Variants in DNAJC10 observed in about 807,000 individuals in gnomAD.
DNAJC10 encodes the protein endoplasmic reticulum disulfide reductase DNAJC10.
DNAJC10 carries 101 observed loss-of-function variants against 115.0 expected under a neutral mutation model. The observed-to-expected ratio is 0.88, with a 90% CI of 0.75 to 1.04. The LOEUF (loss-of-function observed/expected upper bound fraction) is 1.04. Among genes scored for constraint, DNAJC10 ranks in the 50% least tolerant of loss-of-function variants. DNAJC10 has a pLI of 0.00. For synonymous variants in DNAJC10, 307 were observed against 301.5 expected (o/e 1.02, Z -0.19); for missense variants, 981 against 928.8 (o/e 1.06, Z -0.73).
At chr2:182,734,552 A>G (rs971832937) in intron 10 of DNAJC10, among the ~76,000 whole-genome samples, 1 of 151,806 alleles carries the variant, frequency 6.6e-6, no homozygotes, top group South Asian at 2.1e-4. Flanking sequence ...ATTCACAGGT[A>G]CACATTTCTA....
At chr2:182,747,643 G>C (rs1279281194) in intron 14 of DNAJC10, among the ~76,000 whole-genome samples, 1 of 151,976 alleles carries the variant, frequency 6.6e-6, no homozygotes, top group Non-Finnish European at 1.5e-5. Flanking sequence ...AGACAATGTG[G>C]TTTTCTAGAT....
intron 22 of DNAJC10, among the ~76,000 whole-genome samples, chr2:182,768,795 AT>A (rs1694481836): frequency 2.0e-5 from 3 of 152,122 alleles, no homozygotes; most frequent in Non-Finnish European, 2.9e-5. Context: ...TTAGAGTGGA[AT>A]GAGTTCGGTC....
In DNAJC10 at chr2:182,778,182, A is replaced by G. The variant is rs1006209514; in HGVS notation, c.*1050A>G. 2.0e-5 allele frequency: 3 copies of G among 152,216 alleles called. No homozygotes were observed. The highest frequency in any genetic ancestry group is 1.9e-4 in the East Asian group (1 of 5,184). 9.4% of individuals were successfully genotyped at this position (152,216 alleles called of 1,614,324 possible). On this transcript the variant is annotated 3_prime_UTR_variant, in exon 24 of 24. Coordinates refer to ENST00000264065, the MANE Select transcript of DNAJC10 (RefSeq NM_018981.4). The stretch of plus-strand genomic sequence containing the variant: ...TTGGTTTTTCACTCCTGTCCAGTCT[A>G]TTTATTATTCAAATAGGAAAAATTA...
chr2:182,719,871 A>G (rs1381863965), intron 3 of DNAJC10, 136 bp from the exon 4 acceptor site: 4 of 371,162 alleles, frequency 1.1e-5, no homozygotes, highest in African/African-American at 6.8e-5. Flanking sequence ...AACTCATGTC[A>G]TGTTGTATTA....
chr2:182,736,788 C>T (rs936966915), intron 11 of DNAJC10, among the ~76,000 whole-genome samples: 24 of 152,216 alleles, frequency 1.6e-4, no homozygotes, highest in Admixed American at 1.1e-3. Flanking sequence ...TCACTCTTGT[C>T]GCCCAGGCTG....
chr2:182,728,426 T>C, intron 5 of DNAJC10, 150 bp from the exon 6 acceptor site: 1 of 533,124 alleles, frequency 1.9e-6, no homozygotes, highest in Non-Finnish European at 3.2e-6. Flanking sequence ...ATGTAGAAGA[T>C]ATAGAAAAAC....
rs1234117498 is a variant in DNAJC10 at position 182,788,934 on chromosome 2, A to C, written c.*11802A>C. ...AATTGTGATAAAGTACATGTAACAA[A>C]ATTTATTAATCATTTTAAAGTAGCA... is the stretch of plus-strand genomic sequence containing the variant. On this transcript the variant is annotated 3_prime_UTR_variant, in exon 24 of 24. Transcript: ENST00000264065. 1 of 405,834 alleles carries C rather than the reference A, an allele frequency of 2.5e-6. No individual in the cohort carries two copies. Among genetic ancestry groups the C allele is most frequent in the Non-Finnish European group, 4.8e-6 (1 of 209,172 alleles). 25.1% of individuals were successfully genotyped at this position (405,834 alleles called of 1,614,324 possible). A position where few individuals can be genotyped will look rare whatever the true frequency, so the allele number is the denominator to read the frequency against.
chr2:182,749,795 A>T (rs1402820760), intron 14 of DNAJC10, among the ~76,000 whole-genome samples: 1 of 152,234 alleles, frequency 6.6e-6, no homozygotes, highest in East Asian at 1.9e-4. Flanking sequence ...ACATGTATTA[A>T]TTCACAGTTT....
intron 5 of DNAJC10, 57 bp downstream of exon 5, chr2:182,722,132 ACT>A (rs1693166485): frequency 8.5e-7 from 1 of 1,172,492 alleles, no homozygotes; most frequent in South Asian, 1.4e-5. Flanking sequence ...CTCATCTAAA[ACT>A]CTAGGGGATA....
rs776449205 is a variant in DNAJC10 at position 182,722,010 on chromosome 2, TAC to T, written c.368-14_368-13del. On this transcript the variant is annotated splice_polypyrimidine_tract_variant and intron_variant, in intron 4 of 23. Coordinates refer to ENST00000264065, the MANE Select transcript of DNAJC10 (RefSeq NM_018981.4). ...AAGTTTTGATTTTATAATTTTTATA[TAC>T]TTTTAAAATTAGGTATTTATGATGA... The T allele has an allele frequency of 1.4e-5, 19 of 1,386,008 alleles. No homozygotes were observed. Among genetic ancestry groups the T allele is most frequent in the Non-Finnish European group, 1.8e-5 (18 of 1,011,388 alleles). 85.9% of individuals were successfully genotyped at this position (1,386,008 alleles called of 1,614,324 possible).
chr2:182,745,238 G>T (rs1371192097), intron 14 of DNAJC10, among the ~76,000 whole-genome samples: 1 of 152,168 alleles, frequency 6.6e-6, no homozygotes, highest in African/African-American at 2.4e-5. Flanking sequence ...AAGTGGATAG[G>T]GTATGTTCAC....
rs1379335700 is a variant in DNAJC10, at chr2:182,790,749, A to T, written c.*13617A>T. ...GGTTACAGTGAGCTGAGGTCACGTC[A>T]CTGTACTCCAGCCTGGGCAACAAGA... is the stretch of plus-strand genomic sequence containing the variant. On this transcript the variant is annotated 3_prime_UTR_variant, in exon 24 of 24. Coordinates refer to ENST00000264065, the MANE Select transcript of DNAJC10 (RefSeq NM_018981.4). 1 of 151,298 alleles carries T rather than the reference A, an allele frequency of 6.6e-6. No individual in the cohort carries two copies. Among genetic ancestry groups the T allele is most frequent in the Non-Finnish European group, 1.5e-5 (1 of 67,932 alleles). The allele number at this position is 151,298 out of a possible 1,614,324, so 9.4% of individuals were successfully genotyped here.
In DNAJC10 at chr2:182,731,120, T is replaced by G. The variant is rs1187716484; in HGVS notation, c.805+13T>G. On this transcript the variant is annotated intron_variant, in intron 9 of 23. Transcript: ENST00000264065. ...TCAAAAGGAGGAGGTAATACTATTT[T>G]TTAATTTTGTTGGAATGAGAACATG... 1.3e-6 allele frequency: 2 copies of G among 1,593,334 alleles called. No individual in the cohort carries two copies. The highest frequency in any genetic ancestry group is 1.7e-6 in the Non-Finnish European group (2 of 1,165,426).
chr2:182,788,680 C>T lies in DNAJC10; in HGVS notation c.*11548C>T. 4 of 375,620 alleles carry T rather than the reference C, an allele frequency of 1.1e-5. No individual in the cohort carries two copies. Among genetic ancestry groups the T allele is most frequent in the South Asian group, 8.2e-5 (4 of 48,962 alleles). The allele number at this position is 375,620 out of a possible 1,614,324, so 23.3% of individuals were successfully genotyped here. On this transcript the variant is annotated 3_prime_UTR_variant, in exon 24 of 24. Coordinates refer to ENST00000264065, the MANE Select transcript of DNAJC10 (RefSeq NM_018981.4). ...GTCCCAGAGAACAAAAGGAAGTGAG[C>T]TTATCCCACAGCACAAGTAACGTCT...
At chr2:182,757,863 T>G (rs1303583020) in intron 19 of DNAJC10, 38 bp downstream of exon 19, 1 of 1,203,176 alleles carries the variant, frequency 8.3e-7, no homozygotes, top group Non-Finnish European at 1.2e-6. Context: ...TTTATTATAA[T>G]TATTTAATTA....
Position 182,781,848 on chromosome 2 carries a change from A to G in DNAJC10, c.*4716A>G, listed in dbSNP as rs766577050. Reference sequence around the variant, plus strand: ...TTTAAGTTCCTTGTAGATTCTGGATATTAGCCCTTTGTCAGATGGATAGAT... The same window carrying G: ...TTTAAGTTCCTTGTAGATTCTGGATGTTAGCCCTTTGTCAGATGGATAGAT... On this transcript the variant is annotated 3_prime_UTR_variant, in exon 24 of 24. Transcript: ENST00000264065. 2 of 152,136 alleles carry G rather than the reference A, an allele frequency of 1.3e-5. No homozygotes were observed. The highest frequency in any genetic ancestry group is 2.9e-5 in the Non-Finnish European group (2 of 68,032). 9.4% of individuals were successfully genotyped at this position (152,136 alleles called of 1,614,324 possible). A position where few individuals can be genotyped will look rare whatever the true frequency, so the allele number is the denominator to read the frequency against.
chr2:182,775,863 ATAT>A (rs1414746330), intron 23 of DNAJC10, among the ~76,000 whole-genome samples: 1 of 152,206 alleles, frequency 6.6e-6, no homozygotes, highest in African/African-American at 2.4e-5. Context: ...CAAAGGCCAA[ATAT>A]TATATAATAC....
At chr2:182,763,915 A>G (rs1434655199) in intron 22 of DNAJC10, among the ~76,000 whole-genome samples, 1 of 152,202 alleles carries the variant, frequency 6.6e-6, no homozygotes, top group Non-Finnish European at 1.5e-5. Flanking sequence ...ACCTAAATGC[A>G]TATGTTTAAC....
In DNAJC10 at chr2:182,768,338, G is replaced by T. The variant is rs191144119; in HGVS notation, c.2265+5537G>T. Among the ~76,000 whole-genome samples the T allele has an allele frequency of 7.2e-3, 1,103 of 152,270 alleles. 5 individuals carry two copies. Among genetic ancestry groups the T allele is most frequent in the South Asian group, 0.032 (154 of 4,824 alleles). On this transcript the variant is annotated intron_variant, in intron 22 of 23. Coordinates refer to ENST00000264065, the MANE Select transcript of DNAJC10 (RefSeq NM_018981.4). ...GGGATCTTCTTCAGATAATATCAGA[G>T]AAGTATCAATTTAATGAGCAGTTAC...
Sources: allele counts gnomAD v4.1 joint callset (sites outside exome capture counted in the v4.1 genomes callset), GRCh38; gene constraint gnomAD v4.1.1; transcripts MANE v1.5; gene names NCBI Gene and HGNC (gene_info 2026-07-23, HGNC 2026-07-21).